Variants in WDR3 observed in about 807,000 individuals in gnomAD.
The protein encoded by WDR3 is WD repeat domain 3, also known as WD repeat-containing protein 3.
Under a neutral mutation model 123.7 loss-of-function variants are expected in WDR3, and 81 were observed. That is an observed-to-expected ratio of 0.65 (90% CI 0.55 to 0.79). WDR3 has a LOEUF of 0.79. Ranked by LOEUF, WDR3 falls within the 30% of genes least tolerant of loss-of-function variation. The pLI, the probability that WDR3 is intolerant of heterozygous loss-of-function variation, is 0.00. For synonymous variants in WDR3, 390 were observed against 388.8 expected, an observed-to-expected ratio of 1.00 and a Z score of -0.04; for missense variants, 1,027 against 1,123.2, an observed-to-expected ratio of 0.91 and a Z score of 1.22.
chr1:117,963,971 G>A lies in WDR3; in HGVS notation c.*4524G>A, dbSNP rs1653467854. The A allele has an allele frequency of 3.1e-6, 5 of 1,589,738 alleles. No individual in the cohort carries two copies. The highest frequency in any genetic ancestry group is 1.1e-5 in the South Asian group (1 of 88,350). ...ACTTGTTAAGGGCTGTGCTTTTCAT[G>A]ACTAAATTATTTGCATATATAAACC... On this transcript the variant is annotated 3_prime_UTR_variant, in exon 27 of 27. Transcript: ENST00000349139.
intron 11 of WDR3, among the ~76,000 whole-genome samples, chr1:117,945,708 GATTA>G (rs763650488): frequency 7.2e-4 from 110 of 152,228 alleles, no homozygotes; most frequent in African/African-American, 1.2e-3. Flanking sequence ...ATATATATTT[GATTA>G]ATTAATTAAT....
Position 117,952,569 on chromosome 1 carries a change from T to A in WDR3, c.2058T>A (p.Ser686Arg), listed in dbSNP as rs766640817. Reference sequence around the variant, plus strand: ...TATGGTGTTTGGCTGTAAGCCCCAGTGGAGACTATGTTGTATCATCGTCCC... The same window carrying A: ...TATGGTGTTTGGCTGTAAGCCCCAGAGGAGACTATGTTGTATCATCGTCCC... ...QEIWCLAVSP[S>R]GDYVVSSSHD... The change falls in exon 19 of 27, where the codon AGT becomes AGA. Residue 686 changes from serine (S) to arginine (R), a missense_variant. Ser to Arg is a moderately radical substitution (Grantham distance 110). Transcript: ENST00000349139. 4 of 1,613,604 alleles carry A rather than the reference T, an allele frequency of 2.5e-6. No individual in the cohort carries two copies. The highest frequency in any genetic ancestry group is 3.4e-6 in the Non-Finnish European group (4 of 1,179,646).
chr1:117,946,114 A>T lies in WDR3; in HGVS notation c.1357A>T (p.Thr453Ser). ...RSTLQCIRTM[T>S]CEYALCSFFV... ...TACACTGCAGTGTATTCGCACAATG[A>T]CCTGTGAATATGCACTTTGCTCATT... The change falls in exon 12 of 27, where the codon ACC becomes TCC. Residue 453 changes from threonine (T) to serine (S), a missense_variant. Transcript: ENST00000349139. 2.5e-6 allele frequency: 4 copies of T among 1,612,988 alleles called. No individual in the cohort carries two copies. Among genetic ancestry groups the T allele is most frequent in the Non-Finnish European group, 8.5e-7 (1 of 1,179,320 alleles).
intron 23 of WDR3, 43 bp from the exon 24 acceptor site, chr1:117,955,272 C>A: frequency 6.4e-7 from 1 of 1,552,376 alleles, no homozygotes. Flanking sequence ...TTAGTAGAAA[C>A]CAACCAAGAG....
rs143716190 is a variant in WDR3 at position 117,957,146 on chromosome 1, G to A, written c.2532G>A (p.Gln844=). ...TTAAACTCTTTAACGAATTCATTCA[G>A]CTGGGCTCTGATGTTGAACTTATAT... The part of the protein sequence containing the change: ...DILKLFNEFI[Q]LGSDVELICR... Residue 844 remains glutamine (Q), a synonymous_variant, in exon 25 of 27, where the codon CAG becomes CAA. Coordinates refer to ENST00000349139, the MANE Select transcript of WDR3 (RefSeq NM_006784.3). 2.1e-4 allele frequency: 342 copies of A among 1,612,462 alleles called. 2 individuals carry two copies. The African/African-American group carries it at 4.1e-3, about 19-fold the overall frequency.
chr1:117,950,247 ATG>A, intron 15 of WDR3, 117 bp downstream of exon 15: 5 of 1,230,230 alleles, frequency 4.1e-6, no homozygotes, highest in Admixed American at 2.4e-5. Flanking sequence ...ATTTCTAAAA[ATG>A]TGTGTGTGAA....
chr1:117,964,783 T>C lies in WDR3; in HGVS notation c.*5336T>C, dbSNP rs1653599545. 1 of 152,236 alleles carries C rather than the reference T, an allele frequency of 6.6e-6. No homozygotes were observed. The highest frequency in any genetic ancestry group is 2.1e-4 in the South Asian group (1 of 4,838). 9.4% of individuals were successfully genotyped at this position (152,236 alleles called of 1,614,324 possible). ...GAACAAATGAACTAAACTTCATTTA[T>C]TGACATCAGTGCTATCTGACACAAG... On this transcript the variant is annotated 3_prime_UTR_variant, in exon 27 of 27. Transcript: ENST00000349139.
intron 10 of WDR3, 138 bp downstream of exon 10, chr1:117,942,682 T>C (rs996963237): frequency 8.3e-6 from 6 of 722,170 alleles, no homozygotes; most frequent in Non-Finnish European, 1.1e-5. Context: ...TGTCACACTC[T>C]GCTCCTGTTG....
Position 117,958,952 on chromosome 1 carries a change from A to C in WDR3, c.2625A>C (p.Pro875=). The C allele has an allele frequency of 1.2e-6, 2 of 1,614,020 alleles. No homozygotes were observed. The highest frequency in any genetic ancestry group is 1.7e-6 in the Non-Finnish European group (2 of 1,179,948). The change falls in exon 26 of 27, where the codon CCA becomes CCC. Residue 875 remains proline (P), a synonymous_variant. Coordinates refer to ENST00000349139, the MANE Select transcript of WDR3 (RefSeq NM_006784.3). ...GQITSNQMLV[P]VIEKLRETTI... ...TCACTAGCAATCAAATGCTTGTGCC[A>C]GTGATAGAAAAATTAAGGGAAACAA...
At position 117,959,996 on chromosome 1, in the gene WDR3, TAAG is replaced by T. The variant is rs911451480; in HGVS notation, c.*554_*556del. On this transcript the variant is annotated 3_prime_UTR_variant, in exon 27 of 27. Transcript: ENST00000349139. ...ACCTTCTGCAAGTTATGTCTGTATATAAGAAGATTCTAATTGCTAACTGTTTAT... is the reference window on the plus strand; with the variant it reads ...ACCTTCTGCAAGTTATGTCTGTATATAAGATTCTAATTGCTAACTGTTTAT... The T allele has an allele frequency of 6.6e-6, 1 of 152,202 alleles. No homozygotes were observed. Among genetic ancestry groups the T allele is most frequent in the Non-Finnish European group, 1.5e-5 (1 of 68,048 alleles). The allele number at this position is 152,202 out of a possible 1,614,324, so 9.4% of individuals were successfully genotyped here. A position where few individuals can be genotyped will look rare whatever the true frequency, so the allele number is the denominator to read the frequency against.
rs191840950 is a variant in WDR3, at chr1:117,953,029, C to T, written c.2202+33C>T. ...AATTTTGGGGACCTTGAGATTATGC[C>T]CCATATATAGTTATCTTATTGAAAT... On this transcript the variant is annotated intron_variant, in intron 20 of 26. Transcript: ENST00000349139. 188 of 1,605,962 alleles carry T rather than the reference C, an allele frequency of 1.2e-4. No homozygotes were observed. In the East Asian group the frequency reaches 3.8e-3, roughly 33 times the overall value.
At chr1:117,955,381 T>G in intron 24 of WDR3, 23 bp downstream of exon 24, 1 of 1,608,896 alleles carries the variant, frequency 6.2e-7, no homozygotes, top group Non-Finnish European at 8.5e-7. Context: ...TTGCGCACAA[T>G]TTTTGTAATC....
In WDR3 at chr1:117,962,847, C is replaced by G. The variant is rs1428429033; in HGVS notation, c.*3400C>G. The G allele has an allele frequency of 6.6e-6, 1 of 152,176 alleles. No homozygotes were observed. The highest frequency in any genetic ancestry group is 1.5e-5 in the Non-Finnish European group (1 of 68,048). The allele number at this position is 152,176 out of a possible 1,614,324, so 9.4% of individuals were successfully genotyped here. ...TGTATATAGGACTCTATTCACTTAG[C>G]TGTAAATGATGAGCCTGCTCAATGC... On this transcript the variant is annotated 3_prime_UTR_variant, in exon 27 of 27. Coordinates refer to ENST00000349139, the MANE Select transcript of WDR3 (RefSeq NM_006784.3).
intron 1 of WDR3, among the ~76,000 whole-genome samples, chr1:117,930,380 A>G (rs1231053034): frequency 6.6e-6 from 1 of 152,216 alleles, no homozygotes; most frequent in Non-Finnish European, 1.5e-5. Context: ...AGTTAAAAGA[A>G]GTAGAGGAGA....
At position 117,950,012 on chromosome 1, in the gene WDR3, C is replaced by G. The variant is rs1189960544; in HGVS notation, c.1628C>G (p.Thr543Ser). 6.2e-7 allele frequency: 1 copy of G among 1,613,892 alleles called. No homozygotes were observed. Among genetic ancestry groups the G allele is most frequent in the Non-Finnish European group, 8.5e-7 (1 of 1,179,920 alleles). ...GGTGCTAGACTTTCTGTGAAGCAAA[C>G]CCGAACTTTGCAACTAGATGAAGAT... ...STQKRLSVKQ[T>S]RTLQLDEDVL... Residue 543 changes from threonine (T) to serine (S), a missense_variant, in exon 15 of 27, where the codon ACC becomes AGC. By Grantham distance (58) the Thr-to-Ser change is moderately conservative (BLOSUM62 1). Transcript: ENST00000349139.
intron 1 of WDR3, among the ~76,000 whole-genome samples, chr1:117,932,331 G>A (rs1460233689): frequency 3.3e-5 from 5 of 152,206 alleles, no homozygotes; most frequent in Admixed American, 6.5e-5. Flanking sequence ...TCAAAGTGTG[G>A]TCCAAGAACT....
At position 117,943,526 on chromosome 1, in the gene WDR3, A is replaced by T; in HGVS notation, c.1228A>T (p.Thr410Ser). The T allele has an allele frequency of 2.5e-6, 4 of 1,614,132 alleles. No individual in the cohort carries two copies. Among genetic ancestry groups the T allele is most frequent in the Non-Finnish European group, 3.4e-6 (4 of 1,180,024 alleles). ...TPQPVRTSRI[T>S]IGGHRSDVRT... ...TCAGCCTGTCAGGACAAGCAGAATCACTATTGGGGGTCATCGCAGTGATGT... is the reference window on the plus strand; with the variant it reads ...TCAGCCTGTCAGGACAAGCAGAATCTCTATTGGGGGTCATCGCAGTGATGT... Residue 410 changes from threonine to serine, a missense_variant, in exon 11 of 27, where the codon ACT becomes TCT. Thr to Ser is a moderately conservative substitution (Grantham distance 58). Transcript: ENST00000349139.
chr1:117,930,170 C>A (rs745403730), intron 1 of WDR3, among the ~76,000 whole-genome samples: 1 of 152,068 alleles, frequency 6.6e-6, no homozygotes, highest in Non-Finnish European at 1.5e-5. Flanking sequence ...GTTTTGGGGG[C>A]TGTAGGTTAG....
rs1651472444 is a variant in WDR3 at position 117,948,074 on chromosome 1, TTTTG to T, written c.1423-327_1423-324del. Among the ~76,000 whole-genome samples, 8 of 152,302 alleles carry T rather than the reference TTTTG, an allele frequency of 5.3e-5. No individual in the cohort carries two copies. In the South Asian group the frequency reaches 1.7e-3, roughly 32 times the overall value. Reference sequence around the variant, plus strand: ...AAGGCTTTTAGGTTTGCATTTGCTATTTTGTTTATTCTGATTTGCCTATGGTCAT... The same window carrying T: ...AAGGCTTTTAGGTTTGCATTTGCTATTTTATTCTGATTTGCCTATGGTCAT... On this transcript the variant is annotated intron_variant, in intron 12 of 26. Transcript: ENST00000349139.
Sources: allele counts gnomAD v4.1 joint callset (sites outside exome capture counted in the v4.1 genomes callset), GRCh38; gene constraint gnomAD v4.1.1; transcripts MANE v1.5; gene names NCBI Gene and HGNC (gene_info 2026-07-23, HGNC 2026-07-21).